LCE2B: variants seen among roughly 807,000 people sequenced by gnomAD.
LCE2B encodes the protein late cornified envelope protein 2B.
For missense variants in LCE2B, 175 were observed against 141.6 expected (o/e 1.24, Z -1.20); for synonymous variants, 69 against 52.0 (o/e 1.33, Z -1.40).
intron 1 of LCE2B, among the ~76,000 whole-genome samples, chr1:152,686,504 T>C (rs1649135599): frequency 6.6e-6 from 1 of 151,990 alleles, no homozygotes. Flanking sequence ...GACCTCCTGG[T>C]GTGTCCTGCA....
rs765863899 is a variant in LCE2B, at chr1:152,687,216, A to G, written c.*40A>G. The G allele has an allele frequency of 6.3e-7, 1 of 1,584,896 alleles. No homozygotes were observed. Among genetic ancestry groups the G allele is most frequent in the Non-Finnish European group, 8.6e-7 (1 of 1,166,718 alleles). ...AACTCTTTGGACAGAATGTTTAAGA[A>G]CCTCCTACAGCCTGATGCTTAACCC... On this transcript the variant is annotated 3_prime_UTR_variant, in exon 2 of 2. Coordinates refer to ENST00000368780, the MANE Select transcript of LCE2B (RefSeq NM_014357.5).
At position 152,687,109 on chromosome 1, in the gene LCE2B, C is replaced by A; in HGVS notation, c.266C>A (p.Pro89His). The A allele has an allele frequency of 6.2e-7, 1 of 1,613,892 alleles. No homozygotes were observed. ...TTCCACCGGCGCCGGCACCAGAGCC[C>A]CGACTGCTGTGAGAGTGAACCTTCT... is the stretch of plus-strand genomic sequence containing the variant. ...RLFHRRRHQS[P>H]DCCESEPSGG... Residue 89 changes from proline to histidine, a missense_variant, in exon 2 of 2, where the codon CCC becomes CAC. Physicochemically the swap from Pro to His is moderately conservative, Grantham distance 77. Coordinates refer to ENST00000368780, the MANE Select transcript of LCE2B (RefSeq NM_014357.5).
At chr1:152,686,449 A>G (rs1223327663) in intron 1 of LCE2B, among the ~76,000 whole-genome samples, 1 of 151,598 alleles carries the variant, frequency 6.6e-6, no homozygotes, top group South Asian at 2.1e-4. Context: ...ACTTCAAGCC[A>G]GGCTCTTTTA....
At position 152,686,835 on chromosome 1, in the gene LCE2B, T is replaced by C; in HGVS notation, c.-9T>C. ...TTATTATCTTTCAGGTTGACTAAAC[T>C]CTGCCAGGATGTCTTGCCAGCAAAA... On this transcript the variant is annotated 5_prime_UTR_variant, in exon 2 of 2. Transcript: ENST00000368780. 1 of 1,614,084 alleles carries C rather than the reference T, an allele frequency of 6.2e-7. No homozygotes were observed. The highest frequency in any genetic ancestry group is 1.3e-5 in the African/African-American group (1 of 75,066).
rs1649158277 is a variant in LCE2B, at chr1:152,687,030, T to C, written c.187T>C (p.Cys63Arg). The change falls in exon 2 of 2, where the codon TGC (cysteine) becomes CGC (arginine). Residue 63 changes from cysteine to arginine, a missense_variant. Coordinates refer to ENST00000368780, the MANE Select transcript of LCE2B (RefSeq NM_014357.5). Reference sequence around the variant, plus strand: ...CTGCTGTGGTCCCAGCTCTGGGGGCTGCTGCAACTCTGGGGCTGGTGGCTG... The same window carrying C: ...CTGCTGTGGTCCCAGCTCTGGGGGCCGCTGCAACTCTGGGGCTGGTGGCTG... ...GGCCGPSSGG[C>R]CNSGAGGCCL... 6.2e-7 allele frequency: 1 copy of C among 1,613,764 alleles called. No individual in the cohort carries two copies. The highest frequency in any genetic ancestry group is 1.1e-5 in the South Asian group (1 of 91,060).
In LCE2B at chr1:152,686,712, G is replaced by A. The variant is rs1649143795; in HGVS notation, c.-20-112G>A. On this transcript the variant is annotated intron_variant, in intron 1 of 1. Coordinates refer to ENST00000368780, the MANE Select transcript of LCE2B (RefSeq NM_014357.5). ...AAGTTGTTTCTTTCAGGTTACTGAT[G>A]TGACTGTATGATCTAAATATCATTC... is the stretch of plus-strand genomic sequence containing the variant. 4 of 1,387,160 alleles carry A rather than the reference G, an allele frequency of 2.9e-6. No homozygotes were observed. The South Asian group carries it at 5.6e-5, about 20-fold the overall frequency. 85.9% of individuals were successfully genotyped at this position (1,387,160 alleles called of 1,614,324 possible). A position where few individuals can be genotyped will look rare whatever the true frequency, so the allele number is the denominator to read the frequency against.
In LCE2B at chr1:152,687,226, G is replaced by T; in HGVS notation, c.*50G>T. ...ACAGAATGTTTAAGAACCTCCTACA[G>T]CCTGATGCTTAACCCTTTCCATTTC... is the stretch of plus-strand genomic sequence containing the variant. On this transcript the variant is annotated 3_prime_UTR_variant, in exon 2 of 2. Transcript: ENST00000368780. 1 of 1,568,656 alleles carries T rather than the reference G, an allele frequency of 6.4e-7. No individual in the cohort carries two copies. The highest frequency in any genetic ancestry group is 1.7e-4 in the Middle Eastern group (1 of 5,796).
rs776404959 is a variant in LCE2B, at chr1:152,687,143, T to C, written c.300T>C (p.Ser100=). The part of the protein sequence containing the change: ...DCCESEPSGG[S]GCCHSSGGCC ...GTGAGAGTGAACCTTCTGGGGGCTC[T>C]GGCTGCTGCCACAGCTCTGGGGGCT... The change falls in exon 2 of 2, where the codon TCT becomes TCC. Residue 100 remains serine, a synonymous_variant. Coordinates refer to ENST00000368780, the MANE Select transcript of LCE2B (RefSeq NM_014357.5). 66 of 1,613,730 alleles carry C rather than the reference T, an allele frequency of 4.1e-5. No homozygotes were observed. Among genetic ancestry groups the C allele is most frequent in the Non-Finnish European group, 5.5e-5 (65 of 1,179,860 alleles).
At position 152,687,075 on chromosome 1, in the gene LCE2B, C is replaced by A; in HGVS notation, c.232C>A (p.Pro78Thr). 1.2e-6 allele frequency: 2 copies of A among 1,613,504 alleles called. No individual in the cohort carries two copies. The highest frequency in any genetic ancestry group is 1.7e-6 in the Non-Finnish European group (2 of 1,179,896). Residue 78 changes from proline (P) to threonine (T), a missense_variant, in exon 2 of 2, where the codon CCC (proline) becomes ACC (threonine). Transcript: ENST00000368780. ...TGGCTGCTGCCTGAGCCACCACAGGCCCCGTCTCTTCCACCGGCGCCGGCA... is the reference window on the plus strand; with the variant it reads ...TGGCTGCTGCCTGAGCCACCACAGGACCCGTCTCTTCCACCGGCGCCGGCA... ...AGGCCLSHHR[P>T]RLFHRRRHQS...
At chr1:152,686,800 AAG>A (rs780587369) in intron 1 of LCE2B, 22 bp from the exon 2 acceptor site, 1 of 1,605,794 alleles carries the variant, frequency 6.2e-7, no homozygotes, top group African/African-American at 1.3e-5. Flanking sequence ...GAAATATTTA[AAG>A]AGTTTCATTA....
chr1:152,686,546 G>A (rs1186406300), intron 1 of LCE2B, among the ~76,000 whole-genome samples: 2 of 151,970 alleles, frequency 1.3e-5, no homozygotes, highest in Non-Finnish European at 2.9e-5. Context: ...CTTGTATTAA[G>A]GGAATCGGTA....
Position 152,686,898 on chromosome 1 carries a change from A to C in LCE2B, c.55A>C (p.Lys19Gln). Residue 19 changes from lysine (K) to glutamine (Q), a missense_variant, in exon 2 of 2, where the codon AAG becomes CAG. Transcript: ENST00000368780. ...QCQPPPKCPP[K>Q]CTPKCPPKCP... ...CCAGCCCCCTCCCAAGTGTCCTCCC[A>C]AGTGTACCCCAAAATGTCCACCTAA... is the stretch of plus-strand genomic sequence containing the variant. The C allele has an allele frequency of 6.2e-7, 1 of 1,614,092 alleles. No individual in the cohort carries two copies. The highest frequency in any genetic ancestry group is 8.5e-7 in the Non-Finnish European group (1 of 1,179,996).
Position 152,687,161 on chromosome 1 carries a change from T to A in LCE2B, c.318T>A (p.Ser106=). ...GGGGCTCTGGCTGCTGCCACAGCTC[T>A]GGGGGCTGCTGCTGACCTGGGCTAA... ...PSGGSGCCHS[S]GGCC The change falls in exon 2 of 2, where the codon TCT becomes TCA. Residue 106 remains serine, a synonymous_variant. Coordinates refer to ENST00000368780, the MANE Select transcript of LCE2B (RefSeq NM_014357.5). 1 of 1,613,512 alleles carries A rather than the reference T, an allele frequency of 6.2e-7. No homozygotes were observed. The highest frequency in any genetic ancestry group is 8.5e-7 in the Non-Finnish European group (1 of 1,179,690).
chr1:152,687,076 C>G lies in LCE2B; in HGVS notation c.233C>G (p.Pro78Arg), dbSNP rs183800359. 14 of 1,613,502 alleles carry G rather than the reference C, an allele frequency of 8.7e-6. No homozygotes were observed. In the Admixed American group the frequency reaches 1.3e-4, roughly 15 times the overall value. Residue 78 changes from proline to arginine, a missense_variant, in exon 2 of 2, where the codon CCC becomes CGC. Pro to Arg is a moderately radical substitution (Grantham distance 103). Coordinates refer to ENST00000368780, the MANE Select transcript of LCE2B (RefSeq NM_014357.5). ...GGCTGCTGCCTGAGCCACCACAGGC[C>G]CCGTCTCTTCCACCGGCGCCGGCAC... Reference protein sequence around the residue: ...AGGCCLSHHRPRLFHRRRHQS... With the variant: ...AGGCCLSHHRRRLFHRRRHQS...
chr1:152,686,805 T>A lies in LCE2B; in HGVS notation c.-20-19T>A. The A allele has an allele frequency of 6.2e-7, 1 of 1,608,174 alleles. No individual in the cohort carries two copies. Among genetic ancestry groups the A allele is most frequent in the South Asian group, 1.1e-5 (1 of 89,780 alleles). On this transcript the variant is annotated intron_variant, in intron 1 of 1. Transcript: ENST00000368780. Reference sequence around the variant, plus strand: ...TCCTTGGTTTGAAATATTTAAAGAGTTTCATTATTATCTTTCAGGTTGACT... The same window carrying A: ...TCCTTGGTTTGAAATATTTAAAGAGATTCATTATTATCTTTCAGGTTGACT...
chr1:152,686,734 A>G, intron 1 of LCE2B, 90 bp from the exon 2 acceptor site: 3 of 1,445,836 alleles, frequency 2.1e-6, no homozygotes, highest in Non-Finnish European at 2.8e-6. Flanking sequence ...TCTAAATATC[A>G]TTCTTCTTCT....
In LCE2B at chr1:152,687,278, C is replaced by G; in HGVS notation, c.*102C>G. 3.4e-6 allele frequency: 5 copies of G among 1,484,618 alleles called. No homozygotes were observed. The highest frequency in any genetic ancestry group is 4.5e-6 in the Non-Finnish European group (5 of 1,111,576). 92.0% of individuals were successfully genotyped at this position (1,484,618 alleles called of 1,614,324 possible). A position where few individuals can be genotyped will look rare whatever the true frequency, so the allele number is the denominator to read the frequency against. Reference sequence around the variant, plus strand: ...TCTCATTCCATTCATGGGTGGACAGCGACCACAAAGACTCATGGGGCTTCC... The same window carrying G: ...TCTCATTCCATTCATGGGTGGACAGGGACCACAAAGACTCATGGGGCTTCC... On this transcript the variant is annotated 3_prime_UTR_variant, in exon 2 of 2. Transcript: ENST00000368780.
At position 152,686,963 on chromosome 1, in the gene LCE2B, T is replaced by C. The variant is rs1441697855; in HGVS notation, c.120T>C (p.Cys40=). The C allele has an allele frequency of 3.1e-6, 5 of 1,613,992 alleles. No individual in the cohort carries two copies. The East Asian group carries it at 1.1e-4, about 36-fold the overall frequency. Residue 40 remains cysteine (C), a synonymous_variant, in exon 2 of 2, where the codon TGT becomes TGC. Coordinates refer to ENST00000368780, the MANE Select transcript of LCE2B (RefSeq NM_014357.5). ...PKCLPQCPAP[C]SPAVSSCCGP... ...GCCTGCCCCAGTGCCCAGCTCCATG[T>C]TCCCCTGCAGTCTCTTCTTGCTGTG...
At chr1:152,686,766 G>A (rs931827953) in intron 1 of LCE2B, 58 bp from the exon 2 acceptor site, 11 of 1,541,760 alleles carry the variant, frequency 7.1e-6, no homozygotes, top group Non-Finnish European at 8.8e-6. Flanking sequence ...GATTTTAGAA[G>A]AGGTATAATA....
Sources: allele counts gnomAD v4.1 joint callset (sites outside exome capture counted in the v4.1 genomes callset), GRCh38; gene constraint gnomAD v4.1.1; transcripts MANE v1.5; gene names NCBI Gene and HGNC (gene_info 2026-07-23, HGNC 2026-07-21).